TPD52L3: variants seen among roughly 807,000 people sequenced by gnomAD.
The protein encoded by TPD52L3 is tumor protein D55.
TPD52L3 carries 12 observed loss-of-function variants against 8.7 expected under a neutral mutation model. That is an observed-to-expected ratio of 1.38 (90% CI 0.89 to 2.24). The LOEUF is 2.24. Among genes scored for constraint, TPD52L3 ranks in the 30% most tolerant of loss-of-function variants. The probability of loss-of-function intolerance (pLI) is 0.00; values close to 1 mark genes in which losing one functional copy is unlikely to be tolerated. For missense variants in TPD52L3, 207 were observed against 158.7 expected, an observed-to-expected ratio of 1.30 and a Z score of -1.64; for synonymous variants, 79 against 66.8, an observed-to-expected ratio of 1.18 and a Z score of -0.89.
chr9:6,329,537 GAA>G, intron 1 of TPD52L3: 1 of 1,008,194 alleles, frequency 9.9e-7, no homozygotes, highest in Non-Finnish European at 1.2e-6. Flanking sequence ...GTTTAAGCTT[GAA>G]AGAGGTATGA....
chr9:6,330,949 A>G (rs769916471), intron 1 of TPD52L3, 27 bp from the exon 2 acceptor site: 25 of 1,610,760 alleles, frequency 1.6e-5, no homozygotes, highest in Non-Finnish European at 2.0e-5. Flanking sequence ...ATTTTTGCTG[A>G]TCATTGTTTT....
At chr9:6,329,495 A>G in intron 1 of TPD52L3, 1 of 1,011,636 alleles carries the variant, frequency 9.9e-7, no homozygotes, top group Non-Finnish European at 1.2e-6. Flanking sequence ...CTTTTGGAAA[A>G]CTAGCTTATT....
At position 6,328,954 on chromosome 9, in the gene TPD52L3, C is replaced by G. The variant is rs368824558; in HGVS notation, c.359C>G (p.Ser120Cys). The G allele has an allele frequency of 1.9e-6, 3 of 1,614,068 alleles. No individual in the cohort carries two copies. The African/African-American group carries it at 4.0e-5, about 22-fold the overall frequency. Residue 120 changes from serine to cysteine, a missense_variant, in exon 1 of 2, where the codon TCT (serine) becomes TGT (cysteine). Physicochemically the swap from Ser to Cys is moderately radical, Grantham distance 112. Coordinates refer to ENST00000314556, the MANE Select transcript of TPD52L3 (RefSeq NM_001001874.3). Reference sequence around the variant, plus strand: ...GTGAAGAAGTCGGCCACATTCAGATCTTTTGAAGGTCTGATGGGGACAATC... The same window carrying G: ...GTGAAGAAGTCGGCCACATTCAGATGTTTTGAAGGTCTGATGGGGACAATC... ...GGVKKSATFR[S>C]FEGLIFNKYT...
chr9:6,329,919 C>A, intron 1 of TPD52L3: 1 of 1,288,858 alleles, frequency 7.8e-7, no homozygotes, highest in Non-Finnish European at 9.9e-7. Context: ...AAAGTTTAAC[C>A]CTTGAAGCAG....
chr9:6,328,436 C>G lies in TPD52L3; in HGVS notation c.-160C>G. On this transcript the variant is annotated 5_prime_UTR_variant, in exon 1 of 2. Coordinates refer to ENST00000314556, the MANE Select transcript of TPD52L3 (RefSeq NM_001001874.3). ...ATTGTACCAGCTGGGCCATGGATCC[C>G]TCCCGCCTGAAATCTGACTCCACCT... is the stretch of plus-strand genomic sequence containing the variant. The G allele has an allele frequency of 1.2e-6, 1 of 851,628 alleles. No homozygotes were observed. The highest frequency in any genetic ancestry group is 1.8e-6 in the Non-Finnish European group (1 of 550,448). 52.8% of individuals were successfully genotyped at this position (851,628 alleles called of 1,614,324 possible).
intron 1 of TPD52L3, chr9:6,330,109 C>T (rs1818119812): frequency 1.2e-6 from 2 of 1,600,436 alleles, no homozygotes; most frequent in Middle Eastern, 1.7e-4. Context: ...CCCTGTGATG[C>T]TGGCTGTTAT....
At chr9:6,330,446 C>T (rs1818130448) in intron 1 of TPD52L3, 36 of 1,329,498 alleles carry the variant, frequency 2.7e-5, no homozygotes, top group Non-Finnish European at 3.5e-5. Context: ...TAATCTCTCA[C>T]TGCCTAAAAT....
chr9:6,329,445 C>T (rs937343040), intron 1 of TPD52L3: 30 of 1,036,328 alleles, frequency 2.9e-5, no homozygotes, highest in Non-Finnish European at 3.5e-5. Context: ...ATGGGCAAGT[C>T]AGTGGCTCCA....
chr9:6,328,605 G>T lies in TPD52L3; in HGVS notation c.10G>T (p.Ala4Ser). The T allele has an allele frequency of 6.2e-7, 1 of 1,613,496 alleles. No individual in the cohort carries two copies. The highest frequency in any genetic ancestry group is 8.5e-7 in the Non-Finnish European group (1 of 1,180,022). ...TCTTCTTTCCCAGTCCATGCCACAT[G>T]CCAGGACAGAGACCTCTGTGGGCAC... MPH[A>S]RTETSVGTYE... is the part of the protein sequence containing the mutation. Residue 4 changes from alanine to serine, a missense_variant, in exon 1 of 2, where the codon GCC becomes TCC. By Grantham distance (99) the Ala-to-Ser change is moderately conservative. Coordinates refer to ENST00000314556, the MANE Select transcript of TPD52L3 (RefSeq NM_001001874.3).
chr9:6,330,245 G>A (rs1818124326), intron 1 of TPD52L3: 2 of 1,606,164 alleles, frequency 1.2e-6, no homozygotes, highest in Non-Finnish European at 1.7e-6. Context: ...GTAGGAACCT[G>A]GACGGTGCTT....
At chr9:6,330,330 C>T in intron 1 of TPD52L3, 14 of 1,517,900 alleles carry the variant, frequency 9.2e-6, no homozygotes, top group Middle Eastern at 3.6e-4. Flanking sequence ...TTCAAAATGC[C>T]AAGATCTGGG....
intron 1 of TPD52L3, chr9:6,330,207 A>G: frequency 1.9e-6 from 3 of 1,614,086 alleles, no homozygotes; most frequent in Non-Finnish European, 2.5e-6. Context: ...AAGGAAGCAG[A>G]ATATAACCCT....
At chr9:6,330,712 T>C in intron 1 of TPD52L3, 1 of 1,254,016 alleles carries the variant, frequency 8.0e-7, no homozygotes. Flanking sequence ...CCAAAATGGC[T>C]TTGTATGCTG....
At position 6,328,523 on chromosome 9, in the gene TPD52L3, A is replaced by G; in HGVS notation, c.-73A>G. On this transcript the variant is annotated 5_prime_UTR_variant, in exon 1 of 2. Coordinates refer to ENST00000314556, the MANE Select transcript of TPD52L3 (RefSeq NM_001001874.3). ...CTGCTGGCCAAGATTATTTCTCTGC[A>G]GCCCAATAATTCGACTCTTTCTACC... The G allele has an allele frequency of 6.6e-7, 1 of 1,524,296 alleles. No individual in the cohort carries two copies. The highest frequency in any genetic ancestry group is 8.8e-7 in the Non-Finnish European group (1 of 1,134,970). The allele number at this position is 1,524,296 out of a possible 1,614,324, so 94.4% of individuals were successfully genotyped here. A position where few individuals can be genotyped will look rare whatever the true frequency, so the allele number is the denominator to read the frequency against.
chr9:6,330,017 G>A, intron 1 of TPD52L3: 2 of 1,366,312 alleles, frequency 1.5e-6, no homozygotes, highest in African/African-American at 3.0e-5. Context: ...CTCCAGCTGA[G>A]GGGCTGGAGG....
chr9:6,330,844 C>G (rs1243113189), intron 1 of TPD52L3, 132 bp from the exon 2 acceptor site: 1 of 1,457,054 alleles, frequency 6.9e-7, no homozygotes, highest in African/African-American at 1.4e-5. Context: ...TGGGCCAAAC[C>G]TGAGAGATGT....
At position 6,331,111 on chromosome 9, in the gene TPD52L3, A is replaced by G. The variant is rs1818142888; in HGVS notation, c.*92A>G. 2.8e-6 allele frequency: 4 copies of G among 1,403,860 alleles called. No individual in the cohort carries two copies. The highest frequency in any genetic ancestry group is 2.3e-5 in the East Asian group (1 of 43,564). 87.0% of individuals were successfully genotyped at this position (1,403,860 alleles called of 1,614,324 possible). A position where few individuals can be genotyped will look rare whatever the true frequency, so the allele number is the denominator to read the frequency against. ...GTTCCTTCTGCTTTTAAACAAAAAT[A>G]TCGTGTTTATTCAAAGCCAATCTGA... On this transcript the variant is annotated 3_prime_UTR_variant, in exon 2 of 2. Transcript: ENST00000314556.
chr9:6,331,629 G>C lies in TPD52L3; in HGVS notation c.*610G>C, dbSNP rs1818151706. On this transcript the variant is annotated 3_prime_UTR_variant, in exon 2 of 2. Coordinates refer to ENST00000314556, the MANE Select transcript of TPD52L3 (RefSeq NM_001001874.3). ...AAATGGGAGGCATTGAAGCACTTAA[G>C]TAAAAAAGTAACTATCAAATTTTTG... The C allele has an allele frequency of 6.6e-6, 1 of 152,172 alleles. No homozygotes were observed. Among genetic ancestry groups the C allele is most frequent in the African/African-American group, 2.4e-5 (1 of 41,442 alleles). The allele number at this position is 152,172 out of a possible 1,614,324, so 9.4% of individuals were successfully genotyped here. A position where few individuals can be genotyped will look rare whatever the true frequency, so the allele number is the denominator to read the frequency against.
chr9:6,329,107 G>C, intron 1 of TPD52L3, 145 bp downstream of exon 1: 4 of 1,536,394 alleles, frequency 2.6e-6, no homozygotes, highest in Non-Finnish European at 3.5e-6. Flanking sequence ...GAGTGGGAAT[G>C]AGCCACTCCC....
Sources: gnomAD v4.1 joint callset for allele counts on GRCh38, gnomAD v4.1.1 for gene constraint, MANE v1.5 for transcripts, NCBI Gene and HGNC (gene_info 2026-07-23, HGNC 2026-07-21) for gene names.